Variants in CLVS1 observed in about 807,000 individuals in gnomAD.
The protein encoded by CLVS1 is clavesin 1, also known as clavesin-1.
A neutral mutation model predicts 33.1 loss-of-function variants in CLVS1; 10 were observed. The observed-to-expected ratio is 0.30, with a 90% confidence interval of 0.19 to 0.51. The LOEUF (loss-of-function observed/expected upper bound fraction) is 0.51. Ranked by LOEUF, CLVS1 falls within the 20% of genes least tolerant of loss-of-function variation. The pLI, the probability that CLVS1 is intolerant of heterozygous loss-of-function variation, is 0.97. For missense variants in CLVS1, 343 were observed against 433.4 expected, an observed-to-expected ratio of 0.79 and a Z score of 1.85; for synonymous variants, 163 against 166.1, an observed-to-expected ratio of 0.98 and a Z score of 0.14.
chr8:61,040,572 A>T, the CLVS1 span, among the ~76,000 whole-genome samples: 2 of 152,084 alleles, frequency 1.3e-5, no homozygotes, highest in Admixed American at 1.3e-4. Flanking sequence ...TTTGATTTGC[A>T]TTTCTCTGAC....
At chr8:61,086,604 CTTTTT>C (rs143413994) in intron 1 of CLVS1, among the ~76,000 whole-genome samples, 4 of 148,300 alleles carry the variant, frequency 2.7e-5, no homozygotes, top group African/African-American at 9.9e-5. Flanking sequence ...AAATGGGTTA[CTTTTT>C]TTTTTCAAGT....
At chr8:61,332,423 T>C (rs1811633211) in intron 2 of CLVS1, among the ~76,000 whole-genome samples, 1 of 151,960 alleles carries the variant, frequency 6.6e-6, no homozygotes, top group Non-Finnish European at 1.5e-5. Context: ...TTTCTAGGAG[T>C]TTGTGGTGCA....
intron 2 of CLVS1, chr8:61,203,306 T>C: frequency 9.8e-6 from 7 of 717,394 alleles, no homozygotes; most frequent in Non-Finnish European, 1.8e-5. Flanking sequence ...CTGTCCTTTT[T>C]ATAATGCAGA....
At chr8:61,450,063 C>A (rs1378535095) in intron 3 of CLVS1, among the ~76,000 whole-genome samples, 8 of 152,128 alleles carry the variant, frequency 5.3e-5, no homozygotes, top group African/African-American at 1.4e-4. Flanking sequence ...AAGAGGACAC[C>A]TTTTTGCTAG....
In CLVS1 at chr8:61,422,459, AAAG is replaced by A. The variant is rs564224211; in HGVS notation, c.631-31677_631-31675del. On this transcript the variant is annotated intron_variant, in intron 3 of 5. Coordinates refer to ENST00000325897, the MANE Select transcript of CLVS1 (RefSeq NM_173519.3). Reference sequence around the variant, plus strand: ...TAATTAAAGATCATAGTCCGTGCACAAAGAAGAGAAAATGAATCAATGTTATTT... The same window carrying A: ...TAATTAAAGATCATAGTCCGTGCACAAAGAGAAAATGAATCAATGTTATTT... 3.5e-3 allele frequency among the ~76,000 whole-genome samples: 533 copies of A among 152,340 alleles called. 4 individuals are homozygous for A. Among genetic ancestry groups the A allele is most frequent in the African/African-American group, 0.012 (479 of 41,564 alleles).
At chr8:61,101,470 CTTA>C (rs1044656409) in intron 1 of CLVS1, among the ~76,000 whole-genome samples, 13 of 152,152 alleles carry the variant, frequency 8.5e-5, no homozygotes, top group South Asian at 6.2e-4. Context: ...TTTAGTTTGT[CTTA>C]TTATTGTTGA....
In CLVS1 at chr8:61,282,287, A is replaced by G. The variant is rs114718919; in HGVS notation, c.-151-17390A>G. Among the ~76,000 whole-genome samples, 894 of 152,322 alleles carry G rather than the reference A, an allele frequency of 5.9e-3. 6 individuals carry two copies. The highest frequency in any genetic ancestry group is 0.02 in the African/African-American group (836 of 41,578). On this transcript the variant is annotated intron_variant, in intron 2 of 2. Coordinates refer to the CLVS1 transcript ENST00000522621. ...GCAGTAGGCAGAAGGCTTGAGTAGC[A>G]GAGGCCATAATTAAGGAGGGATCAT...
At chr8:61,321,375 A>G (rs763308550) in intron 2 of CLVS1, among the ~76,000 whole-genome samples, 6 of 149,272 alleles carry the variant, frequency 4.0e-5, no homozygotes, top group Admixed American at 6.7e-5. Flanking sequence ...TTTGATGTGG[A>G]TTTTTTTTTC....
chr8:61,499,835 T>TAAAG lies in CLVS1; in HGVS notation c.*295_*298dup, dbSNP rs1466926046. ...TATTTATTGTAGTAAATTGAAAAAA[T>TAAAG]AAAGACTAAATTTGATGGACACACT... On this transcript the variant is annotated 3_prime_UTR_variant, in exon 6 of 6. Coordinates refer to ENST00000325897, the MANE Select transcript of CLVS1 (RefSeq NM_173519.3). 1.7e-5 allele frequency: 4 copies of TAAAG among 231,412 alleles called. No individual in the cohort carries two copies. Among genetic ancestry groups the TAAAG allele is most frequent in the Non-Finnish European group, 3.5e-5 (4 of 115,816 alleles). 14.3% of individuals were successfully genotyped at this position (231,412 alleles called of 1,614,324 possible).
At chr8:61,160,691 C>T (rs977811859) in intron 2 of CLVS1, among the ~76,000 whole-genome samples, 12 of 151,900 alleles carry the variant, frequency 7.9e-5, no homozygotes, top group African/African-American at 2.9e-4. Context: ...TTTTGGTGGG[C>T]ATTTACTTTT....
intron 3 of CLVS1, among the ~76,000 whole-genome samples, chr8:61,453,294 A>G (rs573957054): frequency 1.3e-5 from 2 of 152,248 alleles, no homozygotes; most frequent in East Asian, 3.9e-4. Flanking sequence ...CTTTCTGGCC[A>G]TGGTCCCCTG....
intron 1 of CLVS1, among the ~76,000 whole-genome samples, chr8:61,097,099 G>C (rs1231498532): frequency 3.3e-5 from 5 of 152,012 alleles, no homozygotes; most frequent in African/African-American, 4.8e-5. Context: ...GGTGGCTCAT[G>C]CATGTAATCC....
At chr8:61,031,335 G>T in the CLVS1 span, among the ~76,000 whole-genome samples, 1 of 152,186 alleles carries the variant, frequency 6.6e-6, no homozygotes, top group Non-Finnish European at 1.5e-5. Flanking sequence ...GGTGGTGCTT[G>T]CAGAGCCCTT....
At chr8:61,297,345 A>G (rs531585527) in intron 1 of CLVS1, among the ~76,000 whole-genome samples, 1 of 152,298 alleles carries the variant, frequency 6.6e-6, no homozygotes, top group South Asian at 2.1e-4. Flanking sequence ...GACTAAACAG[A>G]TGAGTAGTGA....
At chr8:61,100,240 T>C (rs1029314019) in intron 1 of CLVS1, among the ~76,000 whole-genome samples, 18 of 152,218 alleles carry the variant, frequency 1.2e-4, no homozygotes, top group African/African-American at 4.3e-4. Flanking sequence ...CCAATGACAA[T>C]GATCATGACA....
chr8:61,296,485 C>T (rs1280307131), intron 1 of CLVS1, among the ~76,000 whole-genome samples: 2 of 152,196 alleles, frequency 1.3e-5, no homozygotes, highest in African/African-American at 2.4e-5. Flanking sequence ...TAAGTCATGC[C>T]TGTGCCTTGT....
chr8:61,379,680 TG>T (rs1813786934), intron 3 of CLVS1, among the ~76,000 whole-genome samples: 1 of 152,194 alleles, frequency 6.6e-6, no homozygotes, highest in Non-Finnish European at 1.5e-5. Context: ...CAGACTATGA[TG>T]TGACTAACAT....
intron 1 of CLVS1, among the ~76,000 whole-genome samples, chr8:61,127,216 CTT>C (rs759525568): frequency 1.1e-4 from 16 of 141,946 alleles, no homozygotes; most frequent in Non-Finnish European, 1.1e-4. Context: ...TGAGATCAAG[CTT>C]TTTTTTTTTT....
intron 1 of CLVS1, among the ~76,000 whole-genome samples, chr8:61,073,986 T>C (rs1347018358): frequency 7.9e-6 from 1 of 125,844 alleles, no homozygotes; most frequent in Non-Finnish European, 1.6e-5. Context: ...CACTCCAGCC[T>C]GGGCAACAGT....
Sources: gnomAD v4.1 joint callset for allele counts (sites outside exome capture counted in the v4.1 genomes callset) on GRCh38, gnomAD v4.1.1 for gene constraint, MANE v1.5 for transcripts, NCBI Gene and HGNC (gene_info 2026-07-23, HGNC 2026-07-21) for gene names.